PPP4R3B: variants seen among roughly 807,000 people sequenced by gnomAD.
PPP4R3B encodes the protein protein phosphatase 4 regulatory subunit 3B.
In PPP4R3B, 52 loss-of-function variants were observed where a neutral mutation model predicts 95.4. That is an observed-to-expected ratio of 0.54 (90% CI 0.44 to 0.69). PPP4R3B has a LOEUF of 0.69. PPP4R3B is among the 30% of genes least tolerant of loss of function. The probability of loss-of-function intolerance (pLI) is 0.00; values close to 1 mark genes in which losing one functional copy is unlikely to be tolerated. For missense variants in PPP4R3B, 1,003 were observed against 1,005.9 expected, an observed-to-expected ratio of 1.00 and a Z score of 0.04; for synonymous variants, 407 against 343.9, an observed-to-expected ratio of 1.18 and a Z score of -2.03.
intron 16 of PPP4R3B, among the ~76,000 whole-genome samples, chr2:55,556,218 G>C (rs1314759368): frequency 1.3e-5 from 2 of 152,182 alleles, no homozygotes; most frequent in African/African-American, 4.8e-5. Context: ...TCAAAATTCT[G>C]TGTCTACAGT....
intron 2 of PPP4R3B, among the ~76,000 whole-genome samples, chr2:55,610,756 C>T (rs1694050727): frequency 6.6e-6 from 1 of 151,992 alleles, no homozygotes; most frequent in Non-Finnish European, 1.5e-5. Context: ...TATTATCATT[C>T]TTTATCTGTT....
chr2:55,561,965 G>A (rs1686686127), intron 15 of PPP4R3B, among the ~76,000 whole-genome samples: 1 of 152,210 alleles, frequency 6.6e-6, no homozygotes, highest in Non-Finnish European at 1.5e-5. Flanking sequence ...AAATTAGGGA[G>A]GGACCGGGGT....
chr2:55,598,536 G>GT lies in PPP4R3B; in HGVS notation c.800dup (p.Tyr267Ter). 6.2e-7 allele frequency: 1 copy of GT among 1,614,166 alleles called. No homozygotes were observed. The highest frequency in any genetic ancestry group is 8.5e-7 in the Non-Finnish European group (1 of 1,180,038). Residue 267 changes from tyrosine (Y) to a stop codon, truncating the protein, a stop_gained and frameshift_variant, in exon 4 of 17, where the codon TAC (tyrosine) becomes TAAC (stop). Coordinates refer to ENST00000616407, the MANE Select transcript of PPP4R3B (RefSeq NM_001122964.3). LOFTEE classifies it high-confidence loss of function. Reference sequence around the variant, plus strand: ...TGATGTCCTGAATGTACTGTACCCTGTAAGTCTGATGTATTTTTTGCCTTA... The same window carrying GT: ...TGATGTCCTGAATGTACTGTACCCTGTTAAGTCTGATGTATTTTTTGCCTTA... ...SELRQKIHQT[Y>*]RVQYIQDIIL...
chr2:55,563,251 T>A (rs1686855657), intron 15 of PPP4R3B, among the ~76,000 whole-genome samples: 1 of 152,192 alleles, frequency 6.6e-6, no homozygotes, highest in South Asian at 2.1e-4. Context: ...GTACGAACAA[T>A]AGTTTCAAAG....
At chr2:55,574,902 A>G (rs1003691100) in intron 11 of PPP4R3B, among the ~76,000 whole-genome samples, 1 of 148,920 alleles carries the variant, frequency 6.7e-6, no homozygotes, top group Non-Finnish European at 1.5e-5. Flanking sequence ...CCTGATTCTT[A>G]AACATGATTT....
intron 8 of PPP4R3B, among the ~76,000 whole-genome samples, chr2:55,580,228 G>A (rs1205356250): frequency 1.3e-5 from 2 of 152,192 alleles, no homozygotes; most frequent in Admixed American, 6.5e-5. Flanking sequence ...CTTGCAAACT[G>A]CTAAGACAGT....
chr2:55,599,096 T>A, intron 3 of PPP4R3B, 57 bp from the exon 4 acceptor site: 1 of 1,465,996 alleles, frequency 6.8e-7, no homozygotes. Context: ...ATTCAAAATT[T>A]TGGAAATCAA....
At chr2:55,561,990 T>G (rs1686691372) in intron 15 of PPP4R3B, among the ~76,000 whole-genome samples, 1 of 152,172 alleles carries the variant, frequency 6.6e-6, no homozygotes, top group Non-Finnish European at 1.5e-5. Context: ...TGATATGGTT[T>G]GGCTCTTGTC....
At chr2:55,601,459 C>A (rs1692602405) in intron 3 of PPP4R3B, among the ~76,000 whole-genome samples, 1 of 151,790 alleles carries the variant, frequency 6.6e-6, no homozygotes, top group South Asian at 2.1e-4. Context: ...CGGCTCACTG[C>A]AAGCTCCGCC....
chr2:55,594,470 A>G (rs1691488051), intron 4 of PPP4R3B, among the ~76,000 whole-genome samples: 1 of 152,182 alleles, frequency 6.6e-6, no homozygotes, highest in Non-Finnish European at 1.5e-5. Context: ...GCTGCACTTG[A>G]TTTACGTAAT....
chr2:55,605,900 G>A (rs1334704361), intron 2 of PPP4R3B, among the ~76,000 whole-genome samples: 5 of 115,150 alleles, frequency 4.3e-5, no homozygotes, highest in East Asian at 2.5e-4. Context: ...GCGAGACTCC[G>A]TCTCAAAAAA....
chr2:55,613,182 A>G (rs993638115), intron 2 of PPP4R3B, among the ~76,000 whole-genome samples: 1 of 152,146 alleles, frequency 6.6e-6, no homozygotes, highest in Admixed American at 6.5e-5. Context: ...TTACAAAGAA[A>G]CTAAGTTTAA....
chr2:55,610,781 C>T (rs931358961), intron 2 of PPP4R3B, among the ~76,000 whole-genome samples: 2 of 151,962 alleles, frequency 1.3e-5, no homozygotes, highest in Non-Finnish European at 2.9e-5. Context: ...CTGTTACATC[C>T]TGCCTCCAAA....
chr2:55,584,946 G>T, intron 7 of PPP4R3B, 105 bp downstream of exon 7: 4 of 861,922 alleles, frequency 4.6e-6, no homozygotes, highest in Non-Finnish European at 7.1e-6. Flanking sequence ...CTATTATTTT[G>T]CTCCCAAGAA....
intron 4 of PPP4R3B, among the ~76,000 whole-genome samples, chr2:55,596,816 T>G (rs1446210845): frequency 6.6e-6 from 1 of 151,866 alleles, no homozygotes; most frequent in Non-Finnish European, 1.5e-5. Context: ...TACAAAAAAT[T>G]AGTCGAGTGT....
intron 13 of PPP4R3B, among the ~76,000 whole-genome samples, chr2:55,565,486 A>G (rs562131236): frequency 1.8e-4 from 28 of 152,242 alleles, no homozygotes; most frequent in Non-Finnish European, 3.7e-4. Context: ...ACGGCTGGTT[A>G]GAGGGCAGAT....
At chr2:55,604,660 T>C (rs1693128790) in intron 2 of PPP4R3B, among the ~76,000 whole-genome samples, 1 of 152,020 alleles carries the variant, frequency 6.6e-6, no homozygotes, top group Non-Finnish European at 1.5e-5. Flanking sequence ...TGTAGAAAAA[T>C]TAGCCCAAGG....
chr2:55,592,201 TAC>T (rs1230721636), intron 4 of PPP4R3B, among the ~76,000 whole-genome samples: 1 of 152,210 alleles, frequency 6.6e-6, no homozygotes, highest in Non-Finnish European at 1.5e-5. Context: ...TTTGCAACAT[TAC>T]AGAGACTGTC....
At position 55,617,371 on chromosome 2, in the gene PPP4R3B, T is replaced by C. The variant is rs1695113361; in HGVS notation, c.-86A>G. 4.3e-6 allele frequency: 6 copies of C among 1,384,086 alleles called. No homozygotes were observed. The highest frequency in any genetic ancestry group is 3.0e-5 in the Admixed American group (1 of 32,832). The allele number at this position is 1,384,086 out of a possible 1,614,324, so 85.7% of individuals were successfully genotyped here. A position where few individuals can be genotyped will look rare whatever the true frequency, so the allele number is the denominator to read the frequency against. On this transcript the variant is annotated 5_prime_UTR_variant, in exon 1 of 17. Coordinates refer to ENST00000616407, the MANE Select transcript of PPP4R3B (RefSeq NM_001122964.3). ...CACTCTTAGGAGACGGTAAAGGCAGTAGTGGCGGTGGCGGCGGCGGCGGCT... is the reference window on the plus strand; with the variant it reads ...CACTCTTAGGAGACGGTAAAGGCAGCAGTGGCGGTGGCGGCGGCGGCGGCT...
Sources: allele counts gnomAD v4.1 joint callset (sites outside exome capture counted in the v4.1 genomes callset), GRCh38; gene constraint gnomAD v4.1.1; transcripts MANE v1.5; gene names NCBI Gene and HGNC (gene_info 2026-07-23, HGNC 2026-07-21).